Variants in B4GALT1 observed in about 807,000 individuals in gnomAD.
The protein encoded by B4GALT1 is beta-1,4-galactosyltransferase 1.
B4GALT1 carries 16 observed loss-of-function variants against 34.9 expected under a neutral mutation model. That is an observed-to-expected ratio of 0.46 (90% CI 0.31 to 0.70). The LOEUF (loss-of-function observed/expected upper bound fraction) is 0.70, where lower values mean the gene tolerates loss of function less well. Ranked by LOEUF, B4GALT1 falls within the 30% of genes least tolerant of loss-of-function variation. The probability of loss-of-function intolerance (pLI) is 0.05; values close to 1 mark genes in which losing one functional copy is unlikely to be tolerated. For missense variants in B4GALT1, 445 were observed against 530.5 expected (o/e 0.84, Z 1.58); for synonymous variants, 221 against 218.1 (o/e 1.01, Z -0.12).
At chr9:33,140,362 T>G (rs1840331063) in intron 1 of B4GALT1, among the ~76,000 whole-genome samples, 1 of 152,196 alleles carries the variant, frequency 6.6e-6, no homozygotes, top group South Asian at 2.1e-4. Flanking sequence ...TTAATTAAAC[T>G]AAAGGTAATC....
the B4GALT1 span, among the ~76,000 whole-genome samples, chr9:33,173,591 G>GGTGTGTGTGTGTGT: frequency 7.3e-3 from 1,041 of 143,142 alleles, 6 homozygotes; most frequent in Middle Eastern, 0.021. Context: ...AAATAAGAAT[G>GGTGTGTGTGTGTGT]GTGTGTGTGT....
intron 3 of B4GALT1, among the ~76,000 whole-genome samples, 179 bp from the exon 4 acceptor site, chr9:33,116,292 C>T (rs545762510): frequency 3.3e-5 from 5 of 152,152 alleles, no homozygotes; most frequent in Admixed American, 6.6e-5. Context: ...AGTGCAGGGG[C>T]GCGATCTAGG....
intron 4 of B4GALT1, among the ~76,000 whole-genome samples, chr9:33,115,330 A>C (rs1433070430): frequency 6.6e-6 from 1 of 152,240 alleles, no homozygotes; most frequent in Non-Finnish European, 1.5e-5. Flanking sequence ...TGGAGGGAGA[A>C]GGTGCTCATC....
intron 1 of B4GALT1, among the ~76,000 whole-genome samples, chr9:33,166,279 A>G (rs1840751194): frequency 6.6e-6 from 1 of 152,080 alleles, no homozygotes; most frequent in African/African-American, 2.4e-5. Context: ...CGATCAGGAG[A>G]AAAACCCACT....
rs1839880923 is a variant in B4GALT1, at chr9:33,112,714, C to CTGTT, written c.*736_*739dup. On this transcript the variant is annotated 3_prime_UTR_variant, in exon 6 of 6. Transcript: ENST00000379731. Reference sequence around the variant, plus strand: ...AGCTAGATCATAATTAGAACTCGATCTGTTCTTTCTTTAAAATACTACAAA... The same window carrying CTGTT: ...AGCTAGATCATAATTAGAACTCGATCTGTTTGTTCTTTCTTTAAAATACTACAAA... The CTGTT allele has an allele frequency of 6.6e-6, 1 of 152,662 alleles. No individual in the cohort carries two copies. Among genetic ancestry groups the CTGTT allele is most frequent in the Non-Finnish European group, 1.5e-5 (1 of 68,102 alleles). 9.5% of individuals were successfully genotyped at this position (152,662 alleles called of 1,614,324 possible). A position where few individuals can be genotyped will look rare whatever the true frequency, so the allele number is the denominator to read the frequency against.
At chr9:33,168,275 A>C (rs78259321), upstream of B4GALT1, among the ~76,000 whole-genome samples, 193 of 152,334 alleles carry the variant, frequency 1.3e-3, no homozygotes, top group African/African-American at 4.4e-3. Context: ...ATTTGCAAGT[A>C]AGGGCTGAAG....
chr9:33,135,471 C>A lies in B4GALT1; in HGVS notation c.413-47G>T. The A allele has an allele frequency of 5.8e-6, 9 of 1,551,398 alleles. 1 individual carries two copies. The South Asian group carries it at 9.0e-5, about 16-fold the overall frequency. ...GAAGTTAGCAGGCCACAGGACTCGC[C>A]ACCGCTCCACAGGCTGCATCAGATG... is the stretch of plus-strand genomic sequence containing the variant. On this transcript the variant is annotated intron_variant, in intron 1 of 5. Transcript: ENST00000379731.
chr9:33,160,992 T>C (rs1460240510), intron 1 of B4GALT1, among the ~76,000 whole-genome samples: 4 of 151,730 alleles, frequency 2.6e-5, no homozygotes, highest in Non-Finnish European at 1.5e-5. Flanking sequence ...CCCCTATCCC[T>C]ATCCCCAACA....
the B4GALT1 span, among the ~76,000 whole-genome samples, chr9:33,175,021 A>ATATATATAT: frequency 3.8e-4 from 22 of 58,614 alleles, no homozygotes; most frequent in East Asian, 8.2e-4. Flanking sequence ...ATATATATAT[A>ATATATATAT]AAATTGGAGG....
the B4GALT1 span, among the ~76,000 whole-genome samples, chr9:33,180,979 T>C: frequency 6.6e-6 from 1 of 152,188 alleles, no homozygotes; most frequent in Non-Finnish European, 1.5e-5. Context: ...TAACATGCCA[T>C]AGATTGTTAA....
chr9:33,179,066 G>C, the B4GALT1 span: 2 of 152,254 alleles, frequency 1.3e-5, no homozygotes, highest in Non-Finnish European at 2.9e-5. Flanking sequence ...CATAAAGCCT[G>C]TGGTTGGAAT....
At chr9:33,182,506 A>G in the B4GALT1 span, among the ~76,000 whole-genome samples, 16 of 152,314 alleles carry the variant, frequency 1.1e-4, no homozygotes, top group African/African-American at 3.6e-4. Context: ...ACGCCCTGGT[A>G]TGCTGTATCA....
At chr9:33,106,589 G>A (rs529414237), downstream of B4GALT1, among the ~76,000 whole-genome samples, 1 of 152,314 alleles carries the variant, frequency 6.6e-6, no homozygotes, top group South Asian at 2.1e-4. Flanking sequence ...ACAAGAGGGA[G>A]ATGTCTCCAA....
At chr9:33,132,946 A>C (rs538167201) in intron 2 of B4GALT1, among the ~76,000 whole-genome samples, 2 of 152,248 alleles carry the variant, frequency 1.3e-5, no homozygotes, top group East Asian at 3.9e-4. Context: ...TCTGTTGCCC[A>C]GGCTGGAGTG....
At chr9:33,130,191 T>G (rs1452917784) in intron 2 of B4GALT1, among the ~76,000 whole-genome samples, 1 of 152,190 alleles carries the variant, frequency 6.6e-6, no homozygotes, top group Non-Finnish European at 1.5e-5. Flanking sequence ...CATTTTGTAA[T>G]TTTTATGATG....
At chr9:33,106,287 C>G (rs1479936284), downstream of B4GALT1, among the ~76,000 whole-genome samples, 1 of 152,192 alleles carries the variant, frequency 6.6e-6, no homozygotes, top group Non-Finnish European at 1.5e-5. Flanking sequence ...AATCCTAGAT[C>G]CCTTTGTCAA....
At position 33,163,083 on chromosome 9, in the gene B4GALT1, C is replaced by G. The variant is rs184858497; in HGVS notation, c.412+3675G>C. On this transcript the variant is annotated intron_variant, in intron 1 of 5. Transcript: ENST00000379731. ...GCCGGAAGGTGATGAGGTTCCAAGG[C>G]TCATCCCCAAAAGGGCGAGAGAGAG... is the stretch of plus-strand genomic sequence containing the variant. 3.5e-3 allele frequency among the ~76,000 whole-genome samples: 536 copies of G among 152,282 alleles called. 3 individuals carry two copies. The highest frequency in any genetic ancestry group is 4.6e-3 in the Non-Finnish European group (314 of 68,028).
chr9:33,153,712 CAA>C (rs1274841553), intron 1 of B4GALT1, among the ~76,000 whole-genome samples: 1 of 151,744 alleles, frequency 6.6e-6, no homozygotes, highest in East Asian at 1.9e-4. Context: ...AATTAGGAAT[CAA>C]AAAGTTTTCC....
At chr9:33,109,056 A>C (rs1295518327), downstream of B4GALT1, among the ~76,000 whole-genome samples, 1 of 152,218 alleles carries the variant, frequency 6.6e-6, no homozygotes, top group Non-Finnish European at 1.5e-5. Flanking sequence ...AATGATTCTC[A>C]GTGAACTCCT....
Sources: allele counts gnomAD v4.1 joint callset (sites outside exome capture counted in the v4.1 genomes callset), GRCh38; gene constraint gnomAD v4.1.1; transcripts MANE v1.5; gene names NCBI Gene and HGNC (gene_info 2026-07-23, HGNC 2026-07-21).